Variants in ARHGEF28 observed in about 807,000 individuals in gnomAD.
ARHGEF28 encodes the protein Rho guanine nucleotide exchange factor 28, also known as 190 kDa guanine nucleotide exchange factor.
Under a neutral mutation model 206.6 loss-of-function variants are expected in ARHGEF28, and 152 were observed. The ratio of observed to expected loss-of-function variants is 0.74; its 90% CI spans 0.64 to 0.84. ARHGEF28 has a LOEUF of 0.84. Ranked by LOEUF, ARHGEF28 falls within the 40% of genes least tolerant of loss-of-function variation. The probability of loss-of-function intolerance (pLI) is 0.00; values close to 1 mark genes in which losing one functional copy is unlikely to be tolerated. For missense variants in ARHGEF28, 2,028 were observed against 2,073.2 expected, an observed-to-expected ratio of 0.98 and a Z score of 0.42; for synonymous variants, 763 against 776.4, an observed-to-expected ratio of 0.98 and a Z score of 0.29.
chr5:73,885,715 C>T (rs1328613619), intron 24 of ARHGEF28, 135 bp from the exon 25 acceptor site: 1 of 1,029,186 alleles, frequency 9.7e-7, no homozygotes, highest in African/African-American at 1.7e-5. Flanking sequence ...TTTAATCCAA[C>T]ATTTTTCTTA....
intron 9 of ARHGEF28, among the ~76,000 whole-genome samples, chr5:73,822,400 T>A (rs957032512): frequency 6.6e-6 from 1 of 152,194 alleles, no homozygotes; most frequent in Admixed American, 6.5e-5. Flanking sequence ...CTGGGTTCTC[T>A]CAGATATTCT....
intron 35 of ARHGEF28, among the ~76,000 whole-genome samples, chr5:73,913,203 C>G (rs1436569486): frequency 6.6e-6 from 1 of 152,150 alleles, no homozygotes; most frequent in East Asian, 1.9e-4. Context: ...CAAGGACGCT[C>G]AGGACATTGA....
intron 2 of ARHGEF28, among the ~76,000 whole-genome samples, chr5:73,728,359 C>T (rs567390410): frequency 6.6e-6 from 1 of 152,164 alleles, no homozygotes; most frequent in East Asian, 1.9e-4. Context: ...TTTGTTGTGC[C>T]CCTACAGACC....
chr5:73,834,211 G>A (rs536898650), intron 10 of ARHGEF28, among the ~76,000 whole-genome samples: 1 of 152,160 alleles, frequency 6.6e-6, no homozygotes, highest in African/African-American at 2.4e-5. Flanking sequence ...GAATACTTAA[G>A]ATCTACAGCA....
chr5:73,889,311 A>G (rs530156891), intron 26 of ARHGEF28, among the ~76,000 whole-genome samples: 3 of 152,366 alleles, frequency 2.0e-5, no homozygotes, highest in Non-Finnish European at 2.9e-5. Context: ...TAGCCAGAAG[A>G]TAAGCAGTTA....
intron 11 of ARHGEF28, among the ~76,000 whole-genome samples, chr5:73,842,752 G>A (rs1214272834): frequency 2.0e-5 from 3 of 152,198 alleles, no homozygotes; most frequent in African/African-American, 7.2e-5. Context: ...GCCGAGGCAG[G>A]TGGATCACCT....
chr5:73,727,045 T>G (rs1431904397), intron 2 of ARHGEF28, among the ~76,000 whole-genome samples: 1 of 152,224 alleles, frequency 6.6e-6, no homozygotes, highest in African/African-American at 2.4e-5. Flanking sequence ...TTAAAATTCT[T>G]TGCTTAATAT....
intron 2 of ARHGEF28, among the ~76,000 whole-genome samples, chr5:73,736,352 C>T (rs1254023600): frequency 6.6e-6 from 1 of 152,144 alleles, no homozygotes; most frequent in East Asian, 1.9e-4. Flanking sequence ...AAGAAGGAAG[C>T]ATGGGTTTGA....
intron 10 of ARHGEF28, among the ~76,000 whole-genome samples, 174 bp from the exon 11 acceptor site, chr5:73,840,306 G>A (rs891612527): frequency 1.3e-5 from 2 of 152,076 alleles, no homozygotes; most frequent in East Asian, 3.9e-4. Flanking sequence ...GTAGAGATGG[G>A]GTTTCACCAT....
rs1672726238 is a variant in ARHGEF28, at chr5:73,901,185, A to G, written c.3975A>G (p.Ser1325=). Residue 1325 remains serine, a splice_region_variant and synonymous_variant, in exon 31 of 36, where the codon TCA becomes TCG. Transcript: ENST00000513042. ...SHDVPGSPTA[S]LVTGGREGRG... The stretch of plus-strand genomic sequence containing the variant: ...TCTGTCTCGATGGCGTGCTTCCAGC[A>G]TTAGTCACAGGAGGGAGAGAAGGAA... 1 of 1,612,494 alleles carries G rather than the reference A, an allele frequency of 6.2e-7. No individual in the cohort carries two copies. Among genetic ancestry groups the G allele is most frequent in the Non-Finnish European group, 8.5e-7 (1 of 1,179,352 alleles).
intron 9 of ARHGEF28, among the ~76,000 whole-genome samples, chr5:73,806,324 C>T (rs1245252625): frequency 1.6e-5 from 2 of 124,046 alleles, no homozygotes; most frequent in Non-Finnish European, 3.2e-5. Context: ...TATATATACT[C>T]TATAGAGTAT....
chr5:73,932,731 T>C (rs1764192403), intron 35 of ARHGEF28, among the ~76,000 whole-genome samples: 1 of 150,356 alleles, frequency 6.7e-6, no homozygotes, highest in Admixed American at 6.6e-5. Context: ...TGTTGAAACC[T>C]ACTACTATTA....
At chr5:73,696,584 A>G (rs533971430) in intron 2 of ARHGEF28, among the ~76,000 whole-genome samples, 1 of 152,332 alleles carries the variant, frequency 6.6e-6, no homozygotes, top group African/African-American at 2.4e-5. Flanking sequence ...AGACTCAAAC[A>G]TTCAATTAAA....
chr5:73,910,168 G>A (rs1762806957), intron 34 of ARHGEF28, among the ~76,000 whole-genome samples: 1 of 151,944 alleles, frequency 6.6e-6, no homozygotes, highest in African/African-American at 2.4e-5. Context: ...ATCACCTGAG[G>A]TTGGGAGTTC....
At chr5:73,894,299 G>C (rs1481930614) in intron 28 of ARHGEF28, 94 bp from the exon 29 acceptor site, 11 of 1,295,676 alleles carry the variant, frequency 8.5e-6, no homozygotes, top group African/African-American at 3.0e-5. Context: ...AGGTCTTACT[G>C]CTTGCTAATT....
At chr5:73,699,050 G>A (rs1748408623) in intron 2 of ARHGEF28, among the ~76,000 whole-genome samples, 1 of 152,042 alleles carries the variant, frequency 6.6e-6, no homozygotes, top group Admixed American at 6.5e-5. Context: ...ACTTAATTTT[G>A]CGAACCCTTT....
intron 1 of ARHGEF28, among the ~76,000 whole-genome samples, chr5:73,629,507 CA>C (rs70973265): frequency 0.37 from 51,267 of 138,234 alleles, 9,297 homozygotes; most frequent in Admixed American, 0.46. Flanking sequence ...GACTCTGTCT[CA>C]AAAAAAAAAA....
At chr5:73,892,350 C>A in intron 27 of ARHGEF28, 120 bp downstream of exon 27, 1 of 1,080,008 alleles carries the variant, frequency 9.3e-7, no homozygotes, top group South Asian at 1.7e-5. Flanking sequence ...CCCCTGCCCC[C>A]TGCACCTGCC....
chr5:73,912,147 C>T (rs1248397898), intron 35 of ARHGEF28, among the ~76,000 whole-genome samples: 1 of 151,956 alleles, frequency 6.6e-6, no homozygotes, highest in African/African-American at 2.4e-5. Flanking sequence ...AAAGCATTTG[C>T]CAAGTATAAA....
Sources: gnomAD v4.1 joint callset for allele counts (sites outside exome capture counted in the v4.1 genomes callset) on GRCh38, gnomAD v4.1.1 for gene constraint, MANE v1.5 for transcripts, NCBI Gene and HGNC (gene_info 2026-07-23, HGNC 2026-07-21) for gene names.